SMOC2: variants seen among roughly 807,000 people sequenced by gnomAD.
The protein encoded by SMOC2 is SPARC related modular calcium binding 2, also known as SPARC-related modular calcium-binding protein 2.
In SMOC2, 39 loss-of-function variants were observed where a neutral mutation model predicts 61.4. The observed-to-expected ratio is 0.64, with a 90% confidence interval of 0.49 to 0.83. SMOC2 has a LOEUF of 0.83. Among genes scored for constraint, SMOC2 ranks in the 40% least tolerant of loss-of-function variants. The pLI is 0.00. For missense variants in SMOC2, 556 were observed against 592.9 expected (o/e 0.94, Z 0.65); for synonymous variants, 247 against 239.9 (o/e 1.03, Z -0.27).
chr6:168,518,395 G>A (rs1033204966), intron 2 of SMOC2, among the ~76,000 whole-genome samples: 35 of 136,990 alleles, frequency 2.6e-4, no homozygotes, highest in Non-Finnish European at 1.2e-4. Context: ...ATGTGTGATT[G>A]TGTATGCTTG....
In SMOC2 at chr6:168,543,493, G is replaced by C; in HGVS notation, c.464-132G>C. On this transcript the variant is annotated intron_variant, in intron 4 of 12. Transcript: ENST00000356284. ...CCCTCAGGGTACTAGACAGCTTACA[G>C]AATTTAAGTAGAACATGCCGAAGCA... 3 of 747,044 alleles carry C rather than the reference G, an allele frequency of 4.0e-6. No homozygotes were observed. In the South Asian group the frequency reaches 5.2e-5, roughly 13 times the overall value. 46.3% of individuals were successfully genotyped at this position (747,044 alleles called of 1,614,324 possible).
chr6:168,638,562 A>G (rs1336608758), intron 9 of SMOC2, among the ~76,000 whole-genome samples: 2 of 152,202 alleles, frequency 1.3e-5, no homozygotes, highest in Non-Finnish European at 2.9e-5. Context: ...CAGAGCACAC[A>G]GGGCTCCCGC....
intron 2 of SMOC2, among the ~76,000 whole-genome samples, chr6:168,521,187 CA>C (rs1184366279): frequency 6.6e-6 from 1 of 152,096 alleles, no homozygotes; most frequent in Non-Finnish European, 1.5e-5. Context: ...CTTGCTCTGT[CA>C]CCCAGGCTGG....
chr6:168,666,204 A>G (rs1449325830), intron 12 of SMOC2, among the ~76,000 whole-genome samples: 2 of 152,134 alleles, frequency 1.3e-5, no homozygotes, highest in African/African-American at 2.4e-5. Context: ...GAAACGATAT[A>G]TTTTTCCCAA....
chr6:168,591,881 T>C (rs1159325526), intron 7 of SMOC2, among the ~76,000 whole-genome samples: 5 of 152,222 alleles, frequency 3.3e-5, no homozygotes, highest in African/African-American at 4.8e-5. Context: ...AATAGGGATT[T>C]TGTAATCATT....
At chr6:168,652,865 C>A in intron 10 of SMOC2, 89 bp from the exon 11 acceptor site, 5 of 1,243,990 alleles carry the variant, frequency 4.0e-6, no homozygotes, top group East Asian at 2.3e-5. Context: ...GAACTACAAG[C>A]AGGGGTTATG....
chr6:168,568,184 T>C (rs1203537404), intron 7 of SMOC2, among the ~76,000 whole-genome samples: 1 of 152,062 alleles, frequency 6.6e-6, no homozygotes, highest in Non-Finnish European at 1.5e-5. Flanking sequence ...CATCTTCTCT[T>C]CAGATGAGCA....
intron 9 of SMOC2, among the ~76,000 whole-genome samples, chr6:168,615,655 A>T (rs1482587457): frequency 2.5e-5 from 1 of 40,612 alleles, no homozygotes; most frequent in African/African-American, 1.1e-4. Context: ...ACCTACAGCC[A>T]GCACAGGGGG....
chr6:168,645,358 T>G (rs1206897576), intron 9 of SMOC2, among the ~76,000 whole-genome samples: 1 of 152,146 alleles, frequency 6.6e-6, no homozygotes, highest in Admixed American at 6.5e-5. Flanking sequence ...ATTCTTAAAA[T>G]GGGGAGGAAG....
At chr6:168,559,300 A>T (rs1233403746) in intron 7 of SMOC2, among the ~76,000 whole-genome samples, 1 of 151,984 alleles carries the variant, frequency 6.6e-6, no homozygotes, top group African/African-American at 2.4e-5. Context: ...TACTAAAAAT[A>T]CAAAATTAGC....
intron 9 of SMOC2, among the ~76,000 whole-genome samples, chr6:168,608,926 A>G (rs4708760): frequency 0.89 from 135,297 of 152,224 alleles, 60,261 homozygotes; most frequent in Middle Eastern, 0.98. Flanking sequence ...TGTTTAGAGT[A>G]CGTGCTTGAT....
intron 9 of SMOC2, among the ~76,000 whole-genome samples, chr6:168,649,287 G>A (rs1787131325): frequency 6.6e-6 from 1 of 152,218 alleles, no homozygotes; most frequent in African/African-American, 2.4e-5. Flanking sequence ...TGGGCAGAAG[G>A]TGTGTGGTGT....
chr6:168,527,821 AG>A, intron 4 of SMOC2, 94 bp downstream of exon 4: 2 of 888,984 alleles, frequency 2.2e-6, no homozygotes, highest in Non-Finnish European at 3.6e-6. Flanking sequence ...GATAATTCAA[AG>A]GGAAATCCAG....
chr6:168,556,467 G>A (rs1003354430), intron 7 of SMOC2, among the ~76,000 whole-genome samples: 1 of 151,154 alleles, frequency 6.6e-6, no homozygotes, highest in South Asian at 2.1e-4. Context: ...TGCGGGCCCT[G>A]GGCACTGATG....
intron 1 of SMOC2, among the ~76,000 whole-genome samples, chr6:168,493,110 C>T (rs1165137464): frequency 2.0e-5 from 3 of 151,948 alleles, no homozygotes; most frequent in East Asian, 1.9e-4. Flanking sequence ...GATCTCAGCT[C>T]ACTGCATCCT....
intron 9 of SMOC2, among the ~76,000 whole-genome samples, chr6:168,632,163 G>C (rs375855592): frequency 3.7e-4 from 56 of 152,188 alleles, no homozygotes; most frequent in African/African-American, 1.3e-3. Context: ...TTGGTCACCT[G>C]GTTGATTAAT....
intron 1 of SMOC2, among the ~76,000 whole-genome samples, chr6:168,456,276 A>T (rs1212577002): frequency 1.3e-5 from 2 of 151,116 alleles, no homozygotes; most frequent in Non-Finnish European, 3.0e-5. Context: ...TTAGCTGTGC[A>T]GGGGCAAGAG....
At chr6:168,463,222 G>A (rs151261591) in intron 1 of SMOC2, among the ~76,000 whole-genome samples, 16 of 152,298 alleles carry the variant, frequency 1.1e-4, no homozygotes, top group South Asian at 4.1e-4. Flanking sequence ...CTAATATTAA[G>A]TAATAGACCC....
chr6:168,461,967 A>G (rs779421296), intron 1 of SMOC2, among the ~76,000 whole-genome samples: 4 of 152,218 alleles, frequency 2.6e-5, no homozygotes, highest in Non-Finnish European at 4.4e-5. Context: ...TCTGACTGTC[A>G]CTAACACTTT....
Sources: gnomAD v4.1 joint callset for allele counts (sites outside exome capture counted in the v4.1 genomes callset) on GRCh38, gnomAD v4.1.1 for gene constraint, MANE v1.5 for transcripts, NCBI Gene and HGNC (gene_info 2026-07-23, HGNC 2026-07-21) for gene names.